The following RAD51B variants were observed in gnomAD, a reference collection of about 807,000 sequenced individuals.
RAD51B encodes the protein DNA repair protein RAD51 homolog 2.
Under a neutral mutation model 42.2 loss-of-function variants are expected in RAD51B, and 38 were observed. The ratio of observed to expected loss-of-function variants is 0.90; its 90% CI spans 0.70 to 1.18. The LOEUF is 1.18. Among genes scored for constraint, RAD51B ranks in the 50% most tolerant of loss-of-function variants. The pLI is 0.00. For synonymous variants in RAD51B, 154 were observed against 145.2 expected, an observed-to-expected ratio of 1.06 and a Z score of -0.43; for missense variants, 373 against 400.7, an observed-to-expected ratio of 0.93 and a Z score of 0.59.
intron 7 of RAD51B, among the ~76,000 whole-genome samples, chr14:68,002,869 T>C (rs1378570527): frequency 6.6e-6 from 1 of 152,198 alleles, no homozygotes; most frequent in Non-Finnish European, 1.5e-5. Context: ...GGTTCTCTAT[T>C]CTGTTCCATT....
At chr14:68,405,274 C>A (rs926039698) in intron 8 of RAD51B, among the ~76,000 whole-genome samples, 1 of 152,078 alleles carries the variant, frequency 6.6e-6, no homozygotes, top group African/African-American at 2.4e-5. Context: ...GACCCTGTCT[C>A]TACAGAAAAA....
At chr14:68,254,748 A>G (rs2080715720) in intron 7 of RAD51B, among the ~76,000 whole-genome samples, 1 of 152,206 alleles carries the variant, frequency 6.6e-6, no homozygotes, top group African/African-American at 2.4e-5. Context: ...GCACTTAGAA[A>G]CATTTTTCTG....
At chr14:68,472,441 G>A (rs986730940) in intron 10 of RAD51B, among the ~76,000 whole-genome samples, 29 of 152,126 alleles carry the variant, frequency 1.9e-4, no homozygotes, top group Non-Finnish European at 2.1e-4. Context: ...AAACACCTGC[G>A]GACTTGGTGA....
At chr14:68,673,665 C>A (rs983931818) in intron 11 of RAD51B, among the ~76,000 whole-genome samples, 2 of 150,906 alleles carry the variant, frequency 1.3e-5, no homozygotes, top group Admixed American at 6.6e-5. Flanking sequence ...CATACACATA[C>A]TGTGCACACA....
intron 9 of RAD51B, among the ~76,000 whole-genome samples, chr14:68,424,981 C>T (rs2084798412): frequency 6.6e-6 from 1 of 152,172 alleles, no homozygotes; most frequent in Non-Finnish European, 1.5e-5. Context: ...TGCTGTGTTG[C>T]CCAGGCTGGG....
chr14:68,208,511 G>A (rs1422533050), intron 7 of RAD51B, among the ~76,000 whole-genome samples: 1 of 152,144 alleles, frequency 6.6e-6, no homozygotes, highest in Non-Finnish European at 1.5e-5. Flanking sequence ...ACCTTCTGAT[G>A]TATCAACTTG....
intron 10 of RAD51B, among the ~76,000 whole-genome samples, chr14:68,561,109 C>T (rs1463877511): frequency 6.6e-6 from 1 of 152,174 alleles, no homozygotes; most frequent in Non-Finnish European, 1.5e-5. Context: ...CCTTCCTCTG[C>T]CACTCCTGAC....
At chr14:68,673,817 C>G (rs1373488039) in intron 11 of RAD51B, among the ~76,000 whole-genome samples, 1 of 151,814 alleles carries the variant, frequency 6.6e-6, no homozygotes, top group Non-Finnish European at 1.5e-5. Context: ...CATGTACACA[C>G]ATACACATAC....
intron 7 of RAD51B, among the ~76,000 whole-genome samples, chr14:67,926,558 CTTTTT>C (rs534207569): frequency 1.2e-5 from 1 of 85,112 alleles, no homozygotes; most frequent in Non-Finnish European, 2.2e-5. Context: ...GATATGTTTC[CTTTTT>C]TTTTTTTTTT....
chr14:68,198,241 A>G (rs1001906421), intron 7 of RAD51B, among the ~76,000 whole-genome samples: 1 of 152,122 alleles, frequency 6.6e-6, no homozygotes, highest in Non-Finnish European at 1.5e-5. Context: ...TGTAAAAATT[A>G]TCAATTTACT....
At chr14:68,393,683 T>A (rs2083827005) in intron 8 of RAD51B, among the ~76,000 whole-genome samples, 1 of 152,178 alleles carries the variant, frequency 6.6e-6, no homozygotes, top group Admixed American at 6.5e-5. Flanking sequence ...GCATCTACAG[T>A]GCAAAACGTG....
intron 7 of RAD51B, among the ~76,000 whole-genome samples, chr14:67,912,746 C>T (rs1186619111): frequency 1.3e-5 from 2 of 150,500 alleles, no homozygotes; most frequent in African/African-American, 2.4e-5. Flanking sequence ...CACTCTGTTG[C>T]CCAGGCTAGA....
intron 10 of RAD51B, among the ~76,000 whole-genome samples, chr14:68,487,847 A>G (rs115086543): frequency 1.5e-3 from 232 of 152,270 alleles, no homozygotes; most frequent in African/African-American, 4.6e-3. Context: ...TCCAAATACA[A>G]TCTCACTGGA....
intron 7 of RAD51B, among the ~76,000 whole-genome samples, chr14:68,258,664 A>G (rs983264896): frequency 1.3e-5 from 2 of 152,062 alleles, no homozygotes; most frequent in African/African-American, 4.8e-5. Flanking sequence ...ACACTAATGA[A>G]CACTGCACCT....
chr14:68,156,176 T>C (rs2078499999), intron 7 of RAD51B, among the ~76,000 whole-genome samples: 1 of 152,194 alleles, frequency 6.6e-6, no homozygotes, highest in Non-Finnish European at 1.5e-5. Context: ...TTTGTTTATT[T>C]GTTTGTTTCC....
At chr14:68,334,272 A>G (rs910889588) in intron 8 of RAD51B, among the ~76,000 whole-genome samples, 2 of 152,182 alleles carry the variant, frequency 1.3e-5, no homozygotes, top group African/African-American at 4.8e-5. Context: ...TAAACAGTCA[A>G]CACATACTTT....
chr14:68,451,709 G>C (rs1418450065), intron 9 of RAD51B, among the ~76,000 whole-genome samples: 1 of 152,230 alleles, frequency 6.6e-6, no homozygotes, highest in Non-Finnish European at 1.5e-5. Context: ...TGAAGAAAGA[G>C]CATGTTGATT....
chr14:68,533,264 G>C (rs1183942918), intron 10 of RAD51B, among the ~76,000 whole-genome samples: 1 of 152,158 alleles, frequency 6.6e-6, no homozygotes, highest in Non-Finnish European at 1.5e-5. Flanking sequence ...CTAGGCACTA[G>C]GTAAAACTAA....
chr14:68,084,639 A>G (rs1054170146), intron 7 of RAD51B, among the ~76,000 whole-genome samples: 1 of 152,200 alleles, frequency 6.6e-6, no homozygotes, highest in Non-Finnish European at 1.5e-5. Flanking sequence ...AAAGGCATAA[A>G]TGTTGGGGTA....
Sources: allele counts gnomAD v4.1 joint callset (sites outside exome capture counted in the v4.1 genomes callset), GRCh38; gene constraint gnomAD v4.1.1; transcripts MANE v1.5; gene names NCBI Gene and HGNC (gene_info 2026-07-23, HGNC 2026-07-21).